SYT1: variants seen among roughly 807,000 people sequenced by gnomAD.
The protein encoded by SYT1 is synaptotagmin 1, also known as synaptotagmin-1.
A neutral mutation model predicts 44.8 loss-of-function variants in SYT1; 8 were observed. The observed-to-expected ratio is 0.18, with a 90% CI of 0.10 to 0.32. SYT1 has a LOEUF of 0.32. Among genes scored for constraint, SYT1 ranks in the 10% least tolerant of loss-of-function variants. The pLI is 1.00. For missense variants in SYT1, 286 were observed against 509.3 expected, an observed-to-expected ratio of 0.56 and a Z score of 4.22; for synonymous variants, 154 against 188.8, an observed-to-expected ratio of 0.82 and a Z score of 1.51.
In SYT1 at chr12:79,167,803, A is replaced by G. The variant is rs201846273; in HGVS notation, c.-17-49700A>G. 1.7e-4 allele frequency among the ~76,000 whole-genome samples: 26 copies of G among 152,096 alleles called. No homozygotes were observed. In the East Asian group the frequency reaches 2.9e-3, roughly 17 times the overall value. On this transcript the variant is annotated intron_variant, in intron 3 of 10. Coordinates refer to ENST00000261205, the MANE Select transcript of SYT1 (RefSeq NM_005639.3). ...CCAGGGGCTTGTTTCATGGAAGACA[A>G]TTTTTCCCTGGGGGATGCAGCGGGC... is the stretch of plus-strand genomic sequence containing the variant.
At chr12:78,981,369 C>A (rs1869248485) in intron 2 of SYT1, among the ~76,000 whole-genome samples, 1 of 152,030 alleles carries the variant, frequency 6.6e-6, no homozygotes, top group South Asian at 2.1e-4. Flanking sequence ...TCAGGTGATC[C>A]ACCACCTTGG....
Position 79,290,860 on chromosome 12 carries a change from C to T in SYT1, c.352-1148C>T, listed in dbSNP as rs145743399. ...TAGCAAAGGATATGTACAGGCAGTC[C>T]CCAGAAGAAAAAATACAAATGGTTA... On this transcript the variant is annotated intron_variant, in intron 5 of 10. Coordinates refer to ENST00000261205, the MANE Select transcript of SYT1 (RefSeq NM_005639.3). Among the ~76,000 whole-genome samples the T allele has an allele frequency of 2.2e-3, 329 of 151,994 alleles. 4 individuals carry two copies. Among genetic ancestry groups the T allele is most frequent in the East Asian group, 0.021 (109 of 5,176 alleles).
rs527432875 is a variant in SYT1, at chr12:79,226,858, C to G, written c.166+9173C>G. Among the ~76,000 whole-genome samples, 3 of 152,166 alleles carry G rather than the reference C, an allele frequency of 2.0e-5. No homozygotes were observed. The South Asian group carries it at 6.2e-4, about 32-fold the overall frequency. ...TCTAATAGGATTTATATGCAGGAGG[C>G]AATACTAAACAAAAATAAAACACAT... On this transcript the variant is annotated intron_variant, in intron 4 of 10. Coordinates refer to ENST00000261205, the MANE Select transcript of SYT1 (RefSeq NM_005639.3).
intron 3 of SYT1, among the ~76,000 whole-genome samples, chr12:79,173,247 T>C (rs1592817244): frequency 6.6e-6 from 1 of 152,104 alleles, no homozygotes; most frequent in Admixed American, 6.6e-5. Context: ...AGATCAGCAA[T>C]GCTCCCCTGC....
intron 3 of SYT1, among the ~76,000 whole-genome samples, chr12:79,129,961 GGAGA>G (rs1328065669): frequency 3.3e-5 from 5 of 152,090 alleles, no homozygotes; most frequent in African/African-American, 1.2e-4. Flanking sequence ...ATGGCCAGAT[GGAGA>G]GAATTACACA....
chr12:78,962,516 T>C (rs182875552), intron 1 of SYT1, among the ~76,000 whole-genome samples: 150 of 152,186 alleles, frequency 9.9e-4, no homozygotes, highest in African/African-American at 3.5e-3. Flanking sequence ...GTGGGTAAAT[T>C]TGTAAAGAGA....
chr12:79,407,614 A>T (rs1252551010), intron 9 of SYT1, among the ~76,000 whole-genome samples: 2 of 152,054 alleles, frequency 1.3e-5, no homozygotes, highest in Non-Finnish European at 2.9e-5. Flanking sequence ...CTTCTTTGTG[A>T]ATCACCTCCA....
intron 9 of SYT1, among the ~76,000 whole-genome samples, chr12:79,423,238 ATAT>A (rs530638023): frequency 1.4e-3 from 206 of 152,174 alleles, no homozygotes; most frequent in Non-Finnish European, 2.6e-3. Context: ...TTTAATGTCC[ATAT>A]TATTAGGTTA....
chr12:79,352,316 T>C (rs903439148), intron 8 of SYT1, among the ~76,000 whole-genome samples: 4 of 152,002 alleles, frequency 2.6e-5, no homozygotes, highest in Non-Finnish European at 5.9e-5. Context: ...TAAAGACACA[T>C]ATAGTCATAA....
At chr12:79,009,493 T>C (rs76067688) in intron 2 of SYT1, among the ~76,000 whole-genome samples, 12,320 of 152,180 alleles carry the variant, frequency 0.081, 673 homozygotes, top group African/African-American at 0.15. Context: ...TATTAAATTA[T>C]AGGTATTAAG....
intron 1 of SYT1, chr12:78,963,891 T>C (rs1027218439): frequency 4.6e-5 from 7 of 152,156 alleles, no homozygotes; most frequent in Non-Finnish European, 7.3e-5. Context: ...GCAGCAGTAT[T>C]CACAATAGCA....
At chr12:79,442,979 T>G (rs1412336556) in intron 9 of SYT1, among the ~76,000 whole-genome samples, 1 of 152,174 alleles carries the variant, frequency 6.6e-6, no homozygotes, top group Non-Finnish European at 1.5e-5. Flanking sequence ...AAAAAATGTT[T>G]AAGAAAAACA....
intron 8 of SYT1, among the ~76,000 whole-genome samples, chr12:79,348,950 GAAA>G (rs144699891): frequency 7.3e-6 from 1 of 136,516 alleles, no homozygotes; most frequent in Non-Finnish European, 1.6e-5. Flanking sequence ...GAAAAAGAAA[GAAA>G]AAAAGAAAAG....
intron 1 of SYT1, among the ~76,000 whole-genome samples, chr12:78,866,647 A>G (rs1873560246): frequency 6.6e-6 from 1 of 152,218 alleles, no homozygotes. Flanking sequence ...AAGGAGGTAT[A>G]GAGAAATGCC....
At chr12:78,950,411 C>T (rs898348111) in intron 1 of SYT1, among the ~76,000 whole-genome samples, 28 of 152,022 alleles carry the variant, frequency 1.8e-4, no homozygotes, top group Admixed American at 1.6e-3. Flanking sequence ...GTGGAATTTA[C>T]ATTTTTACAC....
chr12:79,406,791 G>A (rs947062040), intron 9 of SYT1, among the ~76,000 whole-genome samples: 2 of 152,108 alleles, frequency 1.3e-5, no homozygotes, highest in African/African-American at 2.4e-5. Flanking sequence ...CTACCTCACA[G>A]AATTGTAGTG....
intron 9 of SYT1, among the ~76,000 whole-genome samples, chr12:79,384,835 G>A (rs1422452108): frequency 6.6e-6 from 1 of 152,098 alleles, no homozygotes; most frequent in Non-Finnish European, 1.5e-5. Context: ...GCTTTCTCCT[G>A]AGTTACGTAA....
chr12:79,217,511 G>A lies in SYT1; in HGVS notation c.-9G>A. ...CTTCCCTCCCCTCACAGCTTCACCTGAACCTAAAATGGTGAGCGAGAGTCA... is the reference window on the plus strand; with the variant it reads ...CTTCCCTCCCCTCACAGCTTCACCTAAACCTAAAATGGTGAGCGAGAGTCA... On this transcript the variant is annotated 5_prime_UTR_variant, in exon 4 of 11. Coordinates refer to ENST00000261205, the MANE Select transcript of SYT1 (RefSeq NM_005639.3). 6.3e-7 allele frequency: 1 copy of A among 1,579,146 alleles called. No individual in the cohort carries two copies. Among genetic ancestry groups the A allele is most frequent in the South Asian group, 1.1e-5 (1 of 87,200 alleles).
intron 3 of SYT1, among the ~76,000 whole-genome samples, chr12:79,071,862 C>A (rs774375843): frequency 5.9e-5 from 9 of 152,118 alleles, no homozygotes; most frequent in Non-Finnish European, 1.0e-4. Flanking sequence ...TGCAAAGACC[C>A]TATTTCCACA....
Sources: gnomAD v4.1 joint callset for allele counts (sites outside exome capture counted in the v4.1 genomes callset) on GRCh38, gnomAD v4.1.1 for gene constraint, MANE v1.5 for transcripts, NCBI Gene and HGNC (gene_info 2026-07-23, HGNC 2026-07-21) for gene names.